RBFA: variants seen among roughly 807,000 people sequenced by gnomAD.
RBFA encodes putative ribosome-binding factor A, mitochondrial.
A neutral mutation model predicts 27.9 loss-of-function variants in RBFA; 16 were observed. The ratio of observed to expected loss-of-function variants is 0.57; its 90% CI spans 0.39 to 0.87. The LOEUF (loss-of-function observed/expected upper bound fraction) is 0.87. Among genes scored for constraint, RBFA ranks in the 40% least tolerant of loss-of-function variants. RBFA has a pLI of 0.00. For missense variants in RBFA, 456 were observed against 432.1 expected (o/e 1.06, Z -0.49); for synonymous variants, 181 against 181.0 (o/e 1.00, Z 0.00).
At chr18:80,039,899 A>C (rs1216751186) in intron 4 of RBFA, among the ~76,000 whole-genome samples, 2 of 152,084 alleles carry the variant, frequency 1.3e-5, no homozygotes, top group Non-Finnish European at 2.9e-5. Flanking sequence ...CAGATTCCTC[A>C]TTGCAACTAT....
Position 80,045,945 on chromosome 18 carries a change from G to C in RBFA, c.822G>C (p.Gln274His). 6 of 1,614,052 alleles carry C rather than the reference G, an allele frequency of 3.7e-6. No individual in the cohort carries two copies. The highest frequency in any genetic ancestry group is 5.1e-6 in the Non-Finnish European group (6 of 1,180,004). The change falls in exon 7 of 7, where the codon CAG becomes CAC. Residue 274 changes from glutamine to histidine, a missense_variant. Transcript: ENST00000306735. ...GGCAGGTGGCTGAGCTGACAACGCAGATGAAAAAGGGAAGGAAGAGGGCCA... is the reference window on the plus strand; with the variant it reads ...GGCAGGTGGCTGAGCTGACAACGCACATGAAAAAGGGAAGGAAGAGGGCCA... ...WQGQVAELTTQMKKGRKRAKP... is the reference protein window; with the variant it reads ...WQGQVAELTTHMKKGRKRAKP...
At chr18:80,040,239 ATTTTTTT>A (rs71338083) in intron 4 of RBFA, among the ~76,000 whole-genome samples, 1 of 91,440 alleles carries the variant, frequency 1.1e-5, no homozygotes. Context: ...GGAGGCCTGA[ATTTTTTT>A]TTTTTTTTTT....
At position 80,034,670 on chromosome 18, in the gene RBFA, G is replaced by C. The variant is rs759833923; in HGVS notation, c.158+17G>C. ...GAAAACCAAGTAATGCGGCGGGGGC[G>C]GTGTCCCTGGGCGCGGTATTCCCTA... is the stretch of plus-strand genomic sequence containing the variant. On this transcript the variant is annotated intron_variant, in intron 1 of 6. Coordinates refer to ENST00000306735, the MANE Select transcript of RBFA (RefSeq NM_024805.3). 5 of 1,606,404 alleles carry C rather than the reference G, an allele frequency of 3.1e-6. No individual in the cohort carries two copies. The highest frequency in any genetic ancestry group is 4.2e-6 in the Non-Finnish European group (5 of 1,177,868).
chr18:80,049,199 C>T lies in RBFA; in HGVS notation c.*3044C>T, dbSNP rs985284751. Among the ~76,000 whole-genome samples, 4 of 151,866 alleles carry T rather than the reference C, an allele frequency of 2.6e-5. No individual in the cohort carries two copies. Among genetic ancestry groups the T allele is most frequent in the East Asian group, 1.9e-4 (1 of 5,166 alleles). On this transcript the variant is annotated 3_prime_UTR_variant, in exon 7 of 7. Coordinates refer to ENST00000306735, the MANE Select transcript of RBFA (RefSeq NM_024805.3). ...GGTTAGGGACACGGAAGCTCACCCC[C>T]TTCTGAATGGGTCCACTCCTGGGGA...
intron 4 of RBFA, among the ~76,000 whole-genome samples, chr18:80,039,050 C>T (rs532147162): frequency 9.8e-5 from 15 of 152,366 alleles, no homozygotes; most frequent in African/African-American, 3.6e-4. Context: ...CATGGTGCCT[C>T]TCACCTGTAA....
At chr18:80,039,826 A>G (rs1440933920) in intron 4 of RBFA, among the ~76,000 whole-genome samples, 1 of 152,224 alleles carries the variant, frequency 6.6e-6, no homozygotes, top group African/African-American at 2.4e-5. Flanking sequence ...GATCAATTCA[A>G]AGTGTGAGCC....
At chr18:80,039,649 T>C (rs960389693) in intron 4 of RBFA, among the ~76,000 whole-genome samples, 2 of 152,250 alleles carry the variant, frequency 1.3e-5, no homozygotes, top group Non-Finnish European at 2.9e-5. Context: ...CACTGTGAGC[T>C]TGACAACTTC....
chr18:80,044,335 G>A (rs961246511), intron 6 of RBFA, 50 bp downstream of exon 6: 6 of 1,491,346 alleles, frequency 4.0e-6, no homozygotes, highest in Non-Finnish European at 5.6e-6. Context: ...ATTCCTGGGT[G>A]TGGAATCACC....
chr18:80,035,037 A>G (rs2051967181), intron 1 of RBFA: 1 of 231,600 alleles, frequency 4.3e-6, no homozygotes, highest in Admixed American at 6.2e-5. Flanking sequence ...ATGAAAGATA[A>G]GTACAATAAA....
intron 4 of RBFA, chr18:80,041,301 C>T (rs566110002): frequency 1.3e-5 from 2 of 152,328 alleles, no homozygotes; most frequent in South Asian, 4.1e-4. Flanking sequence ...CCTGCGGTCA[C>T]CCAAGATTTA....
intron 5 of RBFA, among the ~76,000 whole-genome samples, chr18:80,043,448 A>G (rs2052029826): frequency 1.3e-5 from 2 of 152,248 alleles, no homozygotes. Context: ...AATCAGGGAC[A>G]GTTCAGGTCA....
intron 4 of RBFA, among the ~76,000 whole-genome samples, chr18:80,039,146 C>T (rs568874014): frequency 6.6e-6 from 1 of 152,310 alleles, no homozygotes; most frequent in African/African-American, 2.4e-5. Flanking sequence ...GAGACCCTGT[C>T]TCTACAAAAA....
chr18:80,039,276 C>T (rs2145144800), intron 4 of RBFA, among the ~76,000 whole-genome samples: 1 of 152,330 alleles, frequency 6.6e-6, no homozygotes, highest in Non-Finnish European at 1.5e-5. Context: ...TGGCAGTGAG[C>T]CGTGTTAATG....
At chr18:80,043,536 C>A (rs2052030587) in intron 5 of RBFA, among the ~76,000 whole-genome samples, 1 of 152,208 alleles carries the variant, frequency 6.6e-6, no homozygotes, top group South Asian at 2.1e-4. Context: ...GCTCAGCACT[C>A]CAGGCTCCTG....
intron 5 of RBFA, among the ~76,000 whole-genome samples, chr18:80,043,146 C>T (rs936076723): frequency 6.6e-6 from 1 of 152,172 alleles, no homozygotes; most frequent in African/African-American, 2.4e-5. Context: ...TAAATATATA[C>T]TTCTCTGGGT....
chr18:80,044,006 A>T (rs189828155), intron 5 of RBFA, among the ~76,000 whole-genome samples: 14 of 152,374 alleles, frequency 9.2e-5, no homozygotes, highest in Admixed American at 9.2e-4. Context: ...TATCAGAGAA[A>T]ATGTGTTATG....
intron 4 of RBFA, among the ~76,000 whole-genome samples, chr18:80,039,336 AAAATT>A (rs1448708478): frequency 1.3e-5 from 2 of 152,220 alleles, no homozygotes; most frequent in African/African-American, 4.8e-5. Context: ...TTCTCAAAGA[AAAATT>A]AAAAAATCCG....
At position 80,047,501 on chromosome 18, in the gene RBFA, C is replaced by G. The variant is rs1280225608; in HGVS notation, c.*1346C>G. ...TTTTCATTTGTGCTCTGGGACTAAG[C>G]TGTGTATAAGTCATCAAATGGCAGA... On this transcript the variant is annotated 3_prime_UTR_variant, in exon 7 of 7. Transcript: ENST00000306735. 6.6e-6 allele frequency: 1 copy of G among 152,264 alleles called. No individual in the cohort carries two copies. Among genetic ancestry groups the G allele is most frequent in the Non-Finnish European group, 1.5e-5 (1 of 68,072 alleles). 9.4% of individuals were successfully genotyped at this position (152,264 alleles called of 1,614,324 possible).
chr18:80,041,033 T>C (rs2052012677), intron 4 of RBFA, among the ~76,000 whole-genome samples: 2 of 152,144 alleles, frequency 1.3e-5, no homozygotes, highest in Non-Finnish European at 1.5e-5. Flanking sequence ...TCATGCCCCA[T>C]GTTTAGGGTG....
Sources: allele counts gnomAD v4.1 joint callset (sites outside exome capture counted in the v4.1 genomes callset), GRCh38; gene constraint gnomAD v4.1.1; transcripts MANE v1.5; gene names NCBI Gene and HGNC (gene_info 2026-07-23, HGNC 2026-07-21).